CHCHD3: variants seen among roughly 807,000 people sequenced by gnomAD.
CHCHD3 encodes the protein coiled-coil-helix-coiled-coil-helix domain containing 3.
Under a neutral mutation model 38.2 loss-of-function variants are expected in CHCHD3, and 20 were observed. That is an observed-to-expected ratio of 0.52 (90% CI 0.37 to 0.76). The LOEUF is 0.76. Ranked by LOEUF, CHCHD3 falls within the 30% of genes least tolerant of loss-of-function variation. The pLI is 0.00. For missense variants in CHCHD3, 245 were observed against 279.2 expected (o/e 0.88, Z 0.87); for synonymous variants, 82 against 100.0 (o/e 0.82, Z 1.07).
At chr7:133,018,123 TAAAA>T (rs1161943190) in intron 3 of CHCHD3, among the ~76,000 whole-genome samples, 1 of 152,102 alleles carries the variant, frequency 6.6e-6, no homozygotes, top group East Asian at 1.9e-4. Context: ...ATATGATTAA[TAAAA>T]AAATAATCTA....
intron 4 of CHCHD3, among the ~76,000 whole-genome samples, chr7:132,963,762 A>C (rs1811391235): frequency 6.6e-6 from 1 of 151,756 alleles, no homozygotes; most frequent in South Asian, 2.1e-4. Context: ...AATAGTAGAC[A>C]TACAGTAAAA....
At position 133,076,163 on chromosome 7, in the gene CHCHD3, C is replaced by A. The variant is rs1181193711; in HGVS notation, c.81+5694G>T. Among the ~76,000 whole-genome samples, 4 of 151,700 alleles carry A rather than the reference C, an allele frequency of 2.6e-5. 1 individual carries two copies. The highest frequency in any genetic ancestry group is 5.9e-5 in the Non-Finnish European group (4 of 67,976). ...GCCTTTTCCTGTACAATGACCTATA[C>A]CTATTATACTTGCTTTCCAGACATC... On this transcript the variant is annotated intron_variant, in intron 1 of 7. Transcript: ENST00000262570.
At chr7:132,848,749 A>C (rs1420939830) in intron 5 of CHCHD3, among the ~76,000 whole-genome samples, 1 of 152,154 alleles carries the variant, frequency 6.6e-6, no homozygotes, top group Admixed American at 6.5e-5. Flanking sequence ...AAGCAGAAGG[A>C]ATTTGAAATT....
intron 4 of CHCHD3, among the ~76,000 whole-genome samples, chr7:132,913,345 A>G (rs1810009595): frequency 6.6e-6 from 1 of 152,210 alleles, no homozygotes; most frequent in African/African-American, 2.4e-5. Context: ...TAAGGGAGGC[A>G]TGGAACTTTA....
chr7:133,041,381 T>TA, intron 2 of CHCHD3, among the ~76,000 whole-genome samples: 1 of 152,214 alleles, frequency 6.6e-6, no homozygotes. Flanking sequence ...CCTACTCTAG[T>TA]AATTCTTCAA....
intron 6 of CHCHD3, among the ~76,000 whole-genome samples, chr7:132,828,966 A>T (rs143178946): frequency 6.9e-4 from 105 of 152,298 alleles, no homozygotes; most frequent in African/African-American, 2.2e-3. Flanking sequence ...TACCTTCTAG[A>T]AGTCTTTCTG....
At chr7:132,947,718 A>G (rs1437189557) in intron 4 of CHCHD3, among the ~76,000 whole-genome samples, 1 of 152,056 alleles carries the variant, frequency 6.6e-6, no homozygotes, top group Non-Finnish European at 1.5e-5. Flanking sequence ...TGCATTTGAT[A>G]GTACAGATCT....
chr7:132,880,495 A>C (rs1484457392), intron 5 of CHCHD3, among the ~76,000 whole-genome samples: 1 of 151,434 alleles, frequency 6.6e-6, no homozygotes, highest in Non-Finnish European at 1.5e-5. Flanking sequence ...AGTGAAGAAG[A>C]TACTAAACAT....
At chr7:132,859,388 AAAC>A (rs899503530) in intron 5 of CHCHD3, among the ~76,000 whole-genome samples, 83 of 152,330 alleles carry the variant, frequency 5.4e-4, no homozygotes, top group African/African-American at 1.9e-3. Context: ...TTACAAACTG[AAAC>A]AACAACAACA....
chr7:132,962,179 A>G (rs1811336306), intron 4 of CHCHD3, among the ~76,000 whole-genome samples: 1 of 152,268 alleles, frequency 6.6e-6, no homozygotes, highest in Non-Finnish European at 1.5e-5. Context: ...CCAAGAAAAT[A>G]GAGGCTTTCA....
chr7:132,918,034 G>T (rs1276147706), intron 4 of CHCHD3, among the ~76,000 whole-genome samples: 1 of 152,116 alleles, frequency 6.6e-6, no homozygotes. Context: ...ACACGGTGAA[G>T]ATTTAAGTCA....
At chr7:132,972,669 A>G in intron 4 of CHCHD3, 1 of 985,422 alleles carries the variant, frequency 1.0e-6, no homozygotes, top group South Asian at 4.7e-5. Context: ...AATGTCTGAC[A>G]ACACTCTGGG....
At chr7:132,849,034 G>C (rs1585569268) in intron 5 of CHCHD3, 1 of 152,202 alleles carries the variant, frequency 6.6e-6, no homozygotes, top group East Asian at 1.9e-4. Context: ...CTAAGGAATG[G>C]TTTGGGTTAT....
intron 6 of CHCHD3, among the ~76,000 whole-genome samples, chr7:132,837,506 T>A (rs1807816261): frequency 6.6e-6 from 1 of 152,234 alleles, no homozygotes; most frequent in African/African-American, 2.4e-5. Context: ...CTACCTTTAA[T>A]TTTTAAAAAA....
intron 7 of CHCHD3, among the ~76,000 whole-genome samples, chr7:132,792,547 C>T (rs1205660332): frequency 2.0e-5 from 3 of 152,096 alleles, no homozygotes; most frequent in African/African-American, 4.8e-5. Context: ...ATTTAAGAGG[C>T]GAAGGCACAA....
chr7:133,049,971 T>C (rs1814103591), intron 2 of CHCHD3, among the ~76,000 whole-genome samples: 1 of 152,186 alleles, frequency 6.6e-6, no homozygotes, highest in African/African-American at 2.4e-5. Context: ...GGTATCTTCC[T>C]GTCACTGTGG....
At chr7:132,873,798 T>C (rs1375104441) in intron 5 of CHCHD3, among the ~76,000 whole-genome samples, 3 of 152,194 alleles carry the variant, frequency 2.0e-5, no homozygotes, top group Non-Finnish European at 4.4e-5. Context: ...TCCCCAGTCA[T>C]GTAAAAGTAA....
At chr7:132,953,221 TA>T (rs1268886630) in intron 4 of CHCHD3, among the ~76,000 whole-genome samples, 3 of 152,186 alleles carry the variant, frequency 2.0e-5, no homozygotes, top group Admixed American at 6.5e-5. Context: ...GCTGTGAATT[TA>T]ATATATTGGC....
chr7:132,855,590 T>C (rs953028174), intron 5 of CHCHD3, among the ~76,000 whole-genome samples: 1 of 152,162 alleles, frequency 6.6e-6, no homozygotes, highest in African/African-American at 2.4e-5. Context: ...CAGAGAAATA[T>C]GCATGTGAAT....
Sources: gnomAD v4.1 joint callset for allele counts (sites outside exome capture counted in the v4.1 genomes callset) on GRCh38, gnomAD v4.1.1 for gene constraint, MANE v1.5 for transcripts, NCBI Gene and HGNC (gene_info 2026-07-23, HGNC 2026-07-21) for gene names.